ANO4: variants seen among roughly 807,000 people sequenced by gnomAD.
ANO4 encodes anoctamin-4.
A neutral mutation model predicts 141.9 loss-of-function variants in ANO4; 69 were observed. The ratio of observed to expected loss-of-function variants is 0.49; its 90% confidence interval spans 0.40 to 0.59. ANO4 has a LOEUF of 0.59. Ranked by LOEUF, ANO4 falls within the 20% of genes least tolerant of loss-of-function variation. The probability of loss-of-function intolerance (pLI) is 0.00; values close to 1 mark genes in which losing one functional copy is unlikely to be tolerated. For synonymous variants in ANO4, 350 were observed against 394.3 expected (o/e 0.89, Z 1.33); for missense variants, 894 against 1,162.2 (o/e 0.77, Z 3.36).
At chr12:100,720,721 G>A (rs1593224283) in intron 1 of ANO4, among the ~76,000 whole-genome samples, 1 of 152,146 alleles carries the variant, frequency 6.6e-6, no homozygotes, top group East Asian at 1.9e-4. Flanking sequence ...TGCAGAGTCA[G>A]TCTCGTAGTG....
intron 1 of ANO4, among the ~76,000 whole-genome samples, chr12:100,727,616 G>C (rs1053228440): frequency 6.6e-6 from 1 of 152,020 alleles, no homozygotes; most frequent in Non-Finnish European, 1.5e-5. Flanking sequence ...GTTGTTTTTA[G>C]AAATCCATCT....
chr12:100,825,329 G>A (rs2036271848), intron 1 of ANO4, among the ~76,000 whole-genome samples: 1 of 151,950 alleles, frequency 6.6e-6, no homozygotes, highest in Non-Finnish European at 1.5e-5. Flanking sequence ...GCCTCGCTGT[G>A]CTAGATTCTC....
At chr12:100,758,028 C>G (rs983786185) in intron 3 of ANO4, among the ~76,000 whole-genome samples, 1 of 152,138 alleles carries the variant, frequency 6.6e-6, no homozygotes. Context: ...CAGAAAAGAT[C>G]GTGAGGATCA....
At chr12:101,093,555 A>C (rs1352601675) in intron 17 of ANO4, among the ~76,000 whole-genome samples, 1 of 151,972 alleles carries the variant, frequency 6.6e-6, no homozygotes, top group East Asian at 1.9e-4. Flanking sequence ...TTGATGTTTC[A>C]ATTATACCCA....
At chr12:100,979,307 C>T (rs1030344623) in intron 7 of ANO4, among the ~76,000 whole-genome samples, 10 of 152,064 alleles carry the variant, frequency 6.6e-5, no homozygotes, top group African/African-American at 2.4e-4. Flanking sequence ...TCAGGATCAT[C>T]TGGAGGGCTT....
intron 3 of ANO4, among the ~76,000 whole-genome samples, chr12:100,764,091 G>A (rs559926655): frequency 2.0e-5 from 3 of 152,256 alleles, no homozygotes; most frequent in South Asian, 4.2e-4. Flanking sequence ...CAAGTAGTGT[G>A]TATCTAGGCA....
chr12:101,012,694 A>AT (rs200530704), intron 8 of ANO4, among the ~76,000 whole-genome samples: 14 of 152,216 alleles, frequency 9.2e-5, no homozygotes, highest in African/African-American at 2.9e-4. Flanking sequence ...GATCTTATTC[A>AT]TTTTTTTTAA....
Position 100,733,995 on chromosome 12 carries a change from T to C in ANO4, c.106+138T>C, listed in dbSNP as rs1263578326. The C allele has an allele frequency of 7.0e-6, 4 of 571,622 alleles. No individual in the cohort carries two copies. The South Asian group carries it at 8.8e-5, about 13-fold the overall frequency. 35.4% of individuals were successfully genotyped at this position (571,622 alleles called of 1,614,324 possible). A position where few individuals can be genotyped will look rare whatever the true frequency, so the allele number is the denominator to read the frequency against. ...TTATTTTCAGAATCAGAGCAATTGC[T>C]TGTGGACTCACTTTTCTGGATCGCC... On this transcript the variant is annotated intron_variant, in intron 2 of 29. Coordinates refer to the ANO4 transcript ENST00000644049.
chr12:100,761,362 TACTC>T (rs939653790), intron 3 of ANO4, among the ~76,000 whole-genome samples: 76 of 152,296 alleles, frequency 5.0e-4, no homozygotes, highest in African/African-American at 1.7e-3. Context: ...GCTCAGCACA[TACTC>T]ACAGCTAAGA....
intron 1 of ANO4, among the ~76,000 whole-genome samples, chr12:100,875,904 T>C (rs902272484): frequency 1.4e-4 from 21 of 152,108 alleles, no homozygotes; most frequent in Non-Finnish European, 1.9e-4. Context: ...CATGTCAAGT[T>C]TGAAATACCT....
chr12:100,873,206 A>G (rs2039120737), intron 1 of ANO4, among the ~76,000 whole-genome samples: 1 of 152,182 alleles, frequency 6.6e-6, no homozygotes, highest in Admixed American at 6.5e-5. Flanking sequence ...ATAGACTAAT[A>G]CAGCAAATTG....
chr12:100,932,109 A>T (rs1429848763), intron 3 of ANO4, among the ~76,000 whole-genome samples: 1 of 151,984 alleles, frequency 6.6e-6, no homozygotes, highest in Non-Finnish European at 1.5e-5. Context: ...GGCGCTCTAG[A>T]GAATGAATAT....
intron 2 of ANO4, among the ~76,000 whole-genome samples, chr12:100,912,955 G>GT (rs1451724501): frequency 2.0e-5 from 3 of 152,240 alleles, no homozygotes; most frequent in East Asian, 3.9e-4. Context: ...CTTTAAGTGG[G>GT]TTTTTTTAGA....
At chr12:101,124,218 A>G (rs151152000) in intron 26 of ANO4, among the ~76,000 whole-genome samples, 1 of 152,102 alleles carries the variant, frequency 6.6e-6, no homozygotes, top group African/African-American at 2.4e-5. Flanking sequence ...TTAATTATCA[A>G]TAATGTTGAG....
intron 1 of ANO4, among the ~76,000 whole-genome samples, chr12:100,824,649 T>A (rs1383167935): frequency 1.3e-5 from 2 of 152,002 alleles, no homozygotes; most frequent in Non-Finnish European, 2.9e-5. Context: ...TCAGATTTTC[T>A]CCAAAACACC....
At chr12:100,760,388 C>G (rs947955823) in intron 3 of ANO4, among the ~76,000 whole-genome samples, 3 of 152,124 alleles carry the variant, frequency 2.0e-5, no homozygotes, top group African/African-American at 7.2e-5. Context: ...CAGCTGATAC[C>G]TATTTGACTC....
At chr12:101,098,052 G>T (rs571689211) in intron 21 of ANO4, 107 bp downstream of exon 21, 2 of 953,900 alleles carry the variant, frequency 2.1e-6, no homozygotes, top group African/African-American at 1.6e-5. Flanking sequence ...AAGCCAGTGC[G>T]TGCACCTGGA....
intron 3 of ANO4, among the ~76,000 whole-genome samples, chr12:100,744,375 C>T (rs1033421941): frequency 4.6e-5 from 7 of 152,150 alleles, no homozygotes; most frequent in African/African-American, 1.2e-4. Flanking sequence ...GGGCACTGAC[C>T]GATTTGGCGT....
At chr12:100,739,075 A>C (rs950037666) in intron 2 of ANO4, among the ~76,000 whole-genome samples, 8 of 145,204 alleles carry the variant, frequency 5.5e-5, no homozygotes, top group African/African-American at 2.0e-4. Context: ...ATATATATCT[A>C]AATCTTTATG....
Sources: gnomAD v4.1 joint callset for allele counts (sites outside exome capture counted in the v4.1 genomes callset) on GRCh38, gnomAD v4.1.1 for gene constraint, MANE v1.5 for transcripts, NCBI Gene and HGNC (gene_info 2026-07-23, HGNC 2026-07-21) for gene names.